Variants in BPI observed in about 807,000 individuals in gnomAD.
BPI encodes the protein bactericidal permeability-increasing protein.
BPI carries 48 observed loss-of-function variants against 57.6 expected under a neutral mutation model. That is an observed-to-expected ratio of 0.83 (90% CI 0.66 to 1.06). The LOEUF is 1.06. Ranked by LOEUF, BPI falls within the 50% of genes least tolerant of loss-of-function variation. The pLI is 0.00. For missense variants in BPI, 651 were observed against 609.7 expected (o/e 1.07, Z -0.71); for synonymous variants, 237 against 238.2 (o/e 0.99, Z 0.05).
At chr20:38,320,080 A>G (rs1349551781) in intron 6 of BPI, 103 bp from the exon 7 acceptor site, 2 of 981,852 alleles carry the variant, frequency 2.0e-6, no homozygotes, top group African/African-American at 1.6e-5. Context: ...TGAAACTTGC[A>G]CTGCAGCTCT....
At chr20:38,314,571 G>GAATAA (rs2076641767) in intron 5 of BPI, among the ~76,000 whole-genome samples, 1 of 134,438 alleles carries the variant, frequency 7.4e-6, no homozygotes, top group African/African-American at 2.8e-5. Context: ...GATGATGATG[G>GAATAA]TGGTGATGAT....
rs745659743 is a variant in BPI, at chr20:38,310,649, T to C, written c.533T>C (p.Val178Ala). The C allele has an allele frequency of 1.9e-6, 3 of 1,612,280 alleles. No individual in the cohort carries two copies. In the South Asian group the frequency reaches 3.3e-5, roughly 18 times the overall value. ...CACGTGCACATCTCAAAGAGCAAAG[T>C]GGGGTATGGACTCCCGGGACTGTGG... ...SVHVHISKSK[V>A]GWLIQLFHKK... Residue 178 changes from valine (V) to alanine (A), a missense_variant, in exon 4 of 15, where the codon GTG becomes GCG. Physicochemically the swap from Val to Ala is moderately conservative, Grantham distance 64. Coordinates refer to ENST00000642449, the MANE Select transcript of BPI (RefSeq NM_001725.3).
chr20:38,310,440 T>A, intron 3 of BPI, 51 bp from the exon 4 acceptor site: 2 of 1,587,584 alleles, frequency 1.3e-6, no homozygotes, highest in Non-Finnish European at 1.7e-6. Context: ...AAAGTTTGAA[T>A]GTCAGTGGGA....
At chr20:38,308,818 G>C (rs746309449) in intron 2 of BPI, 112 bp from the exon 3 acceptor site, 1 of 1,389,352 alleles carries the variant, frequency 7.2e-7, no homozygotes, top group Admixed American at 1.9e-5. Context: ...GGAATGGATG[G>C]AGTGAAGGAC....
chr20:38,315,955 C>T, intron 5 of BPI, among the ~76,000 whole-genome samples: 1 of 152,002 alleles, frequency 6.6e-6, no homozygotes, highest in East Asian at 1.9e-4. Flanking sequence ...GCCTCAGCCT[C>T]CCGAGTAGCT....
chr20:38,330,951 A>G (rs5743534), intron 11 of BPI, 97 bp from the exon 12 acceptor site: 730,456 of 1,423,890 alleles, frequency 0.51, 189,820 homozygotes, highest in South Asian at 0.56. Flanking sequence ...GGAAAACCAG[A>G]CAGTATCCAC....
intron 12 of BPI, among the ~76,000 whole-genome samples, chr20:38,331,768 G>A (rs377525332): frequency 1.3e-4 from 19 of 151,818 alleles, no homozygotes; most frequent in East Asian, 5.8e-4. Context: ...GCTTCAGCCC[G>A]GGAGTTCCAG....
chr20:38,325,381 A>T (rs1600709467), intron 9 of BPI, among the ~76,000 whole-genome samples: 1 of 152,194 alleles, frequency 6.6e-6, no homozygotes. Flanking sequence ...CTGGAAGTTC[A>T]AGGTTAAGGT....
chr20:38,317,435 C>T (rs988229396), intron 5 of BPI, among the ~76,000 whole-genome samples: 4 of 152,182 alleles, frequency 2.6e-5, no homozygotes, highest in African/African-American at 9.7e-5. Flanking sequence ...CTGGAGAGTT[C>T]CTCTCTCCCA....
chr20:38,332,893 G>A (rs758283509), intron 12 of BPI, among the ~76,000 whole-genome samples: 7 of 152,080 alleles, frequency 4.6e-5, no homozygotes, highest in Non-Finnish European at 8.8e-5. Flanking sequence ...TGTGTCTAAC[G>A]TCAGAAGCTG....
At chr20:38,315,884 G>C (rs2076649676) in intron 5 of BPI, among the ~76,000 whole-genome samples, 1 of 145,244 alleles carries the variant, frequency 6.9e-6, no homozygotes. Flanking sequence ...CCAGGCTGGA[G>C]TACAGTAGCA....
intron 11 of BPI, 63 bp downstream of exon 11, chr20:38,327,718 A>G: frequency 6.4e-7 from 1 of 1,566,844 alleles, no homozygotes; most frequent in Non-Finnish European, 8.8e-7. Flanking sequence ...GTGGGATGAC[A>G]GTGGTCCTGT....
At chr20:38,324,916 C>A (rs2076704832) in intron 9 of BPI, 83 bp downstream of exon 9, 2 of 1,099,574 alleles carry the variant, frequency 1.8e-6, no homozygotes, top group Non-Finnish European at 2.8e-6. Flanking sequence ...TGAGAGCCCT[C>A]CACCCAACAT....
rs2076662365 is a variant in BPI, at chr20:38,318,269, G to A, written c.601-144G>A. On this transcript the variant is annotated intron_variant, in intron 5 of 14. Coordinates refer to ENST00000642449, the MANE Select transcript of BPI (RefSeq NM_001725.3). ...ATGTTCAACTCTGAGCTTCCTGGTG[G>A]CCAAAAAGAAAAGGGAAACTTGATT... 2.7e-6 allele frequency: 3 copies of A among 1,107,164 alleles called. No individual in the cohort carries two copies. The East Asian group carries it at 7.1e-5, about 26-fold the overall frequency. 68.6% of individuals were successfully genotyped at this position (1,107,164 alleles called of 1,614,324 possible).
chr20:38,307,670 T>A lies in BPI; in HGVS notation c.234T>A (p.Tyr78Ter), dbSNP rs1568807948. ...TCAAGCATCTTGGGAAGGGGCATTA[T>A]AGCTTCTACAGGTGAGGCCTATCAG... ...FKIKHLGKGH[Y>*]SFYSMDIREF... The change falls in exon 2 of 15, where the codon TAT (tyrosine) becomes TAA (stop). Residue 78 changes from tyrosine to a stop codon, truncating the protein, a stop_gained. Coordinates refer to ENST00000642449, the MANE Select transcript of BPI (RefSeq NM_001725.3). LOFTEE classifies it high-confidence loss of function. 1 of 1,610,726 alleles carries A rather than the reference T, an allele frequency of 6.2e-7. No homozygotes were observed. The highest frequency in any genetic ancestry group is 8.5e-7 in the Non-Finnish European group (1 of 1,178,160).
At chr20:38,318,365 TTTTC>T (rs750867799) in intron 5 of BPI, 44 bp from the exon 6 acceptor site, 3 of 1,567,030 alleles carry the variant, frequency 1.9e-6, no homozygotes, top group Non-Finnish European at 2.6e-6. Context: ...CAAGGGACAT[TTTTC>T]ACTATGGGAA....
intron 11 of BPI, among the ~76,000 whole-genome samples, chr20:38,328,823 C>A (rs893548008): frequency 6.8e-6 from 1 of 147,366 alleles, no homozygotes; most frequent in Non-Finnish European, 1.5e-5. Flanking sequence ...ATAGTGAGAC[C>A]TCGTCTCTAC....
chr20:38,334,283 T>C, intron 12 of BPI, 147 bp from the exon 13 acceptor site: 1 of 747,426 alleles, frequency 1.3e-6, no homozygotes, highest in South Asian at 1.6e-5. Flanking sequence ...ATCACTTGCG[T>C]CCACCTCTCA....
At chr20:38,307,546 A>G in intron 1 of BPI, 21 bp from the exon 2 acceptor site, 1 of 1,569,236 alleles carries the variant, frequency 6.4e-7, no homozygotes, top group Non-Finnish European at 8.7e-7. Context: ...TCTCACTGTC[A>G]CCCCTGCCTT....
Sources: allele counts gnomAD v4.1 joint callset (sites outside exome capture counted in the v4.1 genomes callset), GRCh38; gene constraint gnomAD v4.1.1; transcripts MANE v1.5; gene names NCBI Gene and HGNC (gene_info 2026-07-23, HGNC 2026-07-21).